The following ELMO1 variants were observed in gnomAD, a reference collection of about 807,000 sequenced individuals.
The protein encoded by ELMO1 is engulfment and cell motility 1, also known as engulfment and cell motility protein 1.
ELMO1 carries 26 observed loss-of-function variants against 98.9 expected under a neutral mutation model. The observed-to-expected ratio is 0.26, with a 90% CI of 0.19 to 0.36. ELMO1 has a LOEUF of 0.36. Ranked by LOEUF, ELMO1 falls within the 10% of genes least tolerant of loss-of-function variation. The pLI is 1.00. For missense variants in ELMO1, 627 were observed against 935.2 expected (o/e 0.67, Z 4.30); for synonymous variants, 346 against 346.0 (o/e 1.00, Z 0.00).
chr7:37,057,289 A>C (rs945586105), intron 15 of ELMO1, among the ~76,000 whole-genome samples: 26 of 152,268 alleles, frequency 1.7e-4, no homozygotes, highest in African/African-American at 5.3e-4. Context: ...GAAAAAAAAA[A>C]CTAAGAACCA....
intron 2 of ELMO1, among the ~76,000 whole-genome samples, chr7:37,341,136 G>A (rs79199554): frequency 1.5e-4 from 1 of 6,698 alleles, no homozygotes; most frequent in Admixed American, 1.1e-3. Context: ...ATGTGCTTTC[G>A]GGTGATGCCC....
intron 5 of ELMO1, chr7:37,271,515 A>G (rs979384466): frequency 7.9e-6 from 2 of 254,474 alleles, no homozygotes; most frequent in Non-Finnish European, 1.5e-5. Flanking sequence ...AAAATACGCT[A>G]ACGATAGCTG....
chr7:37,306,373 C>T (rs1209136782), intron 4 of ELMO1, among the ~76,000 whole-genome samples: 1 of 152,158 alleles, frequency 6.6e-6, no homozygotes, highest in Non-Finnish European at 1.5e-5. Context: ...ACTTGTGATG[C>T]ACCTTGAACA....
chr7:37,148,464 G>A (rs919999625), intron 13 of ELMO1, among the ~76,000 whole-genome samples: 2 of 152,038 alleles, frequency 1.3e-5, no homozygotes, highest in Non-Finnish European at 2.9e-5. Context: ...ATTGACTCTC[G>A]CCACTTCATT....
intron 16 of ELMO1, among the ~76,000 whole-genome samples, chr7:36,999,676 T>C (rs1346190072): frequency 1.3e-5 from 2 of 152,212 alleles, no homozygotes; most frequent in African/African-American, 2.4e-5. Flanking sequence ...ATTCCACGAA[T>C]GTACAATAAT....
At chr7:36,864,790 C>T (rs563354817) in intron 20 of ELMO1, among the ~76,000 whole-genome samples, 3 of 152,264 alleles carry the variant, frequency 2.0e-5, no homozygotes, top group South Asian at 2.1e-4. Context: ...TGCTCATGAC[C>T]GAAGCTCTTT....
At chr7:37,292,811 G>T (rs200448670) in intron 4 of ELMO1, among the ~76,000 whole-genome samples, 1 of 69,048 alleles carries the variant, frequency 1.4e-5, no homozygotes, top group Non-Finnish European at 3.2e-5. Context: ...CCCCCCGCCC[G>T]GCCAGCCGCC....
chr7:37,378,923 C>T (rs548597447), intron 1 of ELMO1, among the ~76,000 whole-genome samples: 4 of 152,340 alleles, frequency 2.6e-5, no homozygotes, highest in African/African-American at 9.6e-5. Context: ...CCTTCCACTT[C>T]CAATTCCATA....
Position 37,271,690 on chromosome 7 carries a change from T to C in ELMO1, c.243+142A>G, listed in dbSNP as rs1199669118. Reference sequence around the variant, plus strand: ...ATCTACGGAGGGGCATTCCTGCTAATCCAGAATCTGCATGTCAGGACATTC... The same window carrying C: ...ATCTACGGAGGGGCATTCCTGCTAACCCAGAATCTGCATGTCAGGACATTC... On this transcript the variant is annotated intron_variant, in intron 5 of 21. Coordinates refer to ENST00000310758, the MANE Select transcript of ELMO1 (RefSeq NM_014800.11). 7 of 828,702 alleles carry C rather than the reference T, an allele frequency of 8.4e-6. No homozygotes were observed. The Admixed American group carries it at 1.9e-4, about 23-fold the overall frequency. The allele number at this position is 828,702 out of a possible 1,614,324, so 51.3% of individuals were successfully genotyped here.
At position 37,168,272 on chromosome 7, in the gene ELMO1, C is replaced by G. The variant is rs530282944; in HGVS notation, c.1087-35038G>C. Among the ~76,000 whole-genome samples the G allele has an allele frequency of 3.3e-5, 5 of 152,202 alleles. No homozygotes were observed. The East Asian group carries it at 9.7e-4, about 29-fold the overall frequency. ...TTTTTCAAAGTTTTTAACTTCTTTG[C>G]CTTTGGTTTGAATTTCCTCCTGTAG... On this transcript the variant is annotated intron_variant, in intron 13 of 21. Coordinates refer to ENST00000310758, the MANE Select transcript of ELMO1 (RefSeq NM_014800.11).
intron 2 of ELMO1, among the ~76,000 whole-genome samples, chr7:37,326,867 T>C (rs547544918): frequency 1.4e-4 from 21 of 152,312 alleles, no homozygotes; most frequent in Admixed American, 2.6e-4. Flanking sequence ...TTCCCTTCAA[T>C]TGGAAGGGAA....
intron 14 of ELMO1, among the ~76,000 whole-genome samples, chr7:37,118,320 C>T (rs1785742383): frequency 6.6e-6 from 1 of 152,198 alleles, no homozygotes; most frequent in Admixed American, 6.5e-5. Context: ...ATGCTCAGAG[C>T]TCCCAGAGCA....
chr7:37,060,235 T>C (rs1796597022), intron 15 of ELMO1, among the ~76,000 whole-genome samples: 1 of 152,220 alleles, frequency 6.6e-6, no homozygotes, highest in Admixed American at 6.5e-5. Flanking sequence ...TGTCTTTTAA[T>C]GAGGCACAGT....
rs563069599 is a variant in ELMO1 at position 37,124,220 on chromosome 7, T to G, written c.1191+8910A>C. 2.3e-4 allele frequency among the ~76,000 whole-genome samples: 35 copies of G among 152,276 alleles called. 1 individual carries two copies. Among genetic ancestry groups the G allele is most frequent in the Admixed American group, 1.0e-3 (16 of 15,290 alleles). ...ACTGGAAGCATTCCCTTTGAAAAGT[T>G]GCACAAGACAGGGATGCACTCTCTC... On this transcript the variant is annotated intron_variant, in intron 14 of 21. Coordinates refer to ENST00000310758, the MANE Select transcript of ELMO1 (RefSeq NM_014800.11).
rs117151066 is a variant in ELMO1 at position 37,170,410 on chromosome 7, C to T, written c.1087-37176G>A. ...ACCCTGAGATATACCAGAGCAGTTA[C>T]TAACCCTAGGCACCAAATGGTGGTT... On this transcript the variant is annotated intron_variant, in intron 13 of 21. Coordinates refer to ENST00000310758, the MANE Select transcript of ELMO1 (RefSeq NM_014800.11). Among the ~76,000 whole-genome samples the T allele has an allele frequency of 3.5e-4, 54 of 152,310 alleles. No individual in the cohort carries two copies. The East Asian group carries it at 0.01, about 28-fold the overall frequency.
At chr7:37,225,761 G>A (rs183712680) in intron 8 of ELMO1, among the ~76,000 whole-genome samples, 4 of 152,144 alleles carry the variant, frequency 2.6e-5, no homozygotes, top group Admixed American at 6.5e-5. Flanking sequence ...CAATGTGAGC[G>A]GAAAATAAAA....
chr7:37,008,774 C>T (rs1034532191), intron 16 of ELMO1, among the ~76,000 whole-genome samples: 3 of 152,142 alleles, frequency 2.0e-5, no homozygotes, highest in African/African-American at 4.8e-5. Flanking sequence ...CAACAAGCAT[C>T]CTACTCCATC....
intron 16 of ELMO1, among the ~76,000 whole-genome samples, chr7:36,921,971 C>T (rs1181728124): frequency 6.6e-6 from 1 of 152,108 alleles, no homozygotes; most frequent in Non-Finnish European, 1.5e-5. Flanking sequence ...TTCCCTATTC[C>T]CCATCAAACT....
At chr7:37,441,788 C>G (rs1805426374) in intron 1 of ELMO1, among the ~76,000 whole-genome samples, 1 of 152,096 alleles carries the variant, frequency 6.6e-6, no homozygotes, top group African/African-American at 2.4e-5. Flanking sequence ...GGAAAGGAAA[C>G]TTGAAAAACA....
Sources: allele counts gnomAD v4.1 joint callset (sites outside exome capture counted in the v4.1 genomes callset), GRCh38; gene constraint gnomAD v4.1.1; transcripts MANE v1.5; gene names NCBI Gene and HGNC (gene_info 2026-07-23, HGNC 2026-07-21).